KLF12: variants seen among roughly 807,000 people sequenced by gnomAD.
KLF12 encodes the protein KLF transcription factor 12.
In KLF12, 9 loss-of-function variants were observed where a neutral mutation model predicts 37.8. The ratio of observed to expected loss-of-function variants is 0.24; its 90% confidence interval spans 0.14 to 0.42. The LOEUF (loss-of-function observed/expected upper bound fraction) is 0.42, where lower values mean the gene tolerates loss of function less well. KLF12 is among the 10% of genes least tolerant of loss of function. The pLI, the probability that KLF12 is intolerant of heterozygous loss-of-function variation, is 1.00. For missense variants in KLF12, 411 were observed against 516.0 expected (o/e 0.80, Z 1.97); for synonymous variants, 208 against 202.1 (o/e 1.03, Z -0.25).
At chr13:74,023,340 G>A (rs753995767) in intron 1 of KLF12, among the ~76,000 whole-genome samples, 6 of 152,226 alleles carry the variant, frequency 3.9e-5, no homozygotes, top group South Asian at 2.1e-4. Context: ...CTCAGAGACC[G>A]TGTTCTTCTC....
chr13:74,071,163 G>A (rs1031066037), intron 1 of KLF12, among the ~76,000 whole-genome samples: 24 of 152,132 alleles, frequency 1.6e-4, no homozygotes, highest in African/African-American at 5.6e-4. Context: ...ATAATATGGA[G>A]TTTCAGTCTA....
the KLF12 span, among the ~76,000 whole-genome samples, chr13:74,141,111 G>C: frequency 6.6e-6 from 1 of 151,918 alleles, no homozygotes; most frequent in Admixed American, 6.6e-5. Flanking sequence ...ATAGCTCAGG[G>C]GTATAGAATT....
intron 3 of KLF12, among the ~76,000 whole-genome samples, chr13:73,848,939 A>G (rs1239762335): frequency 6.6e-6 from 1 of 152,112 alleles, no homozygotes; most frequent in Non-Finnish European, 1.5e-5. Flanking sequence ...ACAGGACAAA[A>G]TCCTTCTTGT....
chr13:73,738,134 C>CATATATATATATATATAT (rs1449933940), intron 6 of KLF12, among the ~76,000 whole-genome samples: 4 of 94,940 alleles, frequency 4.2e-5, no homozygotes, highest in African/African-American at 6.3e-5. Context: ...TACACACACA[C>CATATATATATATATATAT]ACATATATAT....
intron 4 of KLF12, among the ~76,000 whole-genome samples, chr13:73,815,468 G>A (rs1883165129): frequency 6.6e-6 from 1 of 152,212 alleles, no homozygotes; most frequent in Non-Finnish European, 1.5e-5. Context: ...GAATGACTTT[G>A]TGTAATAATA....
rs183054014 is a variant in KLF12, at chr13:74,106,511, G to A, written c.-32+27228C>T. Among the ~76,000 whole-genome samples the A allele has an allele frequency of 3.1e-3, 476 of 152,108 alleles. 1 individual carries two copies. The highest frequency in any genetic ancestry group is 0.011 in the African/African-American group (458 of 41,510). On this transcript the variant is annotated intron_variant, in intron 1 of 7. Transcript: ENST00000377669. ...ATACTTCAAGGTATAAATTTTCTTGGAATGTTTTCAAAATATTCATCTTAT... is the reference window on the plus strand; with the variant it reads ...ATACTTCAAGGTATAAATTTTCTTGAAATGTTTTCAAAATATTCATCTTAT...
At chr13:74,120,026 T>C (rs528602129) in intron 1 of KLF12, among the ~76,000 whole-genome samples, 1 of 149,844 alleles carries the variant, frequency 6.7e-6, no homozygotes, top group South Asian at 2.1e-4. Flanking sequence ...CAGAAGTATA[T>C]AAATGAGAGG....
chr13:74,099,488 A>G (rs537776174), intron 1 of KLF12, among the ~76,000 whole-genome samples: 15 of 152,368 alleles, frequency 9.8e-5, no homozygotes, highest in African/African-American at 3.6e-4. Flanking sequence ...ACTATGTAAA[A>G]TCATCAAATC....
chr13:74,093,499 T>C (rs893792849), intron 1 of KLF12, among the ~76,000 whole-genome samples: 1 of 151,984 alleles, frequency 6.6e-6, no homozygotes, highest in African/African-American at 2.4e-5. Context: ...GCTCATAGAA[T>C]TGGGCAAAGC....
chr13:73,916,459 G>A (rs1888853533), intron 3 of KLF12, among the ~76,000 whole-genome samples: 2 of 152,038 alleles, frequency 1.3e-5, no homozygotes, highest in African/African-American at 4.8e-5. Context: ...TATTTCTTCT[G>A]CAAGTATCTA....
At chr13:73,766,599 C>T (rs1002847817) in intron 5 of KLF12, among the ~76,000 whole-genome samples, 4 of 152,122 alleles carry the variant, frequency 2.6e-5, no homozygotes, top group Admixed American at 6.6e-5. Flanking sequence ...TCCCTATACC[C>T]TCACTGGGGT....
intron 7 of KLF12, among the ~76,000 whole-genome samples, chr13:73,702,543 T>C (rs7985342): frequency 0.99 from 150,044 of 152,318 alleles, 73,936 homozygotes; most frequent in Middle Eastern, 1. Context: ...AAACAAAACA[T>C]CCATGTTCTC....
chr13:74,216,091 G>A, the KLF12 span, among the ~76,000 whole-genome samples: 3 of 152,268 alleles, frequency 2.0e-5, no homozygotes, highest in African/African-American at 7.2e-5. Context: ...GGGATTGCCA[G>A]GCAGGCTCCC....
the KLF12 span, among the ~76,000 whole-genome samples, chr13:74,199,770 G>A: frequency 2.0e-5 from 3 of 152,200 alleles, no homozygotes; most frequent in Admixed American, 6.5e-5. Context: ...CCTTAGGAGA[G>A]AGGATTTGAA....
chr13:73,868,237 A>T (rs1160537222), intron 3 of KLF12, among the ~76,000 whole-genome samples: 1 of 120,846 alleles, frequency 8.3e-6, no homozygotes, highest in Non-Finnish European at 1.6e-5. Flanking sequence ...ACTTGAACCC[A>T]GGAGGTGCAG....
intron 2 of KLF12, among the ~76,000 whole-genome samples, chr13:73,944,917 T>C (rs1276350637): frequency 6.6e-6 from 1 of 152,200 alleles, no homozygotes; most frequent in African/African-American, 2.4e-5. Flanking sequence ...TTTTTAAACA[T>C]GTTTAGAATG....
chr13:73,751,026 A>C (rs1326151623), intron 6 of KLF12, among the ~76,000 whole-genome samples: 1 of 152,202 alleles, frequency 6.6e-6, no homozygotes, highest in Non-Finnish European at 1.5e-5. Context: ...TCCCATTTGC[A>C]TTTTATAATA....
intron 3 of KLF12, among the ~76,000 whole-genome samples, chr13:73,936,695 CG>C (rs1343652720): frequency 6.6e-6 from 1 of 152,140 alleles, no homozygotes; most frequent in Non-Finnish European, 1.5e-5. Context: ...CTTTGCCGCC[CG>C]GAAGTTACCT....
In KLF12 at chr13:74,009,987, T is replaced by C. The variant is rs557443942; in HGVS notation, c.-31-14934A>G. 6.6e-5 allele frequency among the ~76,000 whole-genome samples: 10 copies of C among 152,294 alleles called. No individual in the cohort carries two copies. In the South Asian group the frequency reaches 2.1e-3, roughly 32 times the overall value. ...TATTTTGAGACAGGGTCTCACTCTA[T>C]CACCCAGGCTGGAGTACACTGGTGA... On this transcript the variant is annotated intron_variant, in intron 1 of 7. Coordinates refer to ENST00000377669, the MANE Select transcript of KLF12 (RefSeq NM_007249.5).
Sources: allele counts gnomAD v4.1 joint callset (sites outside exome capture counted in the v4.1 genomes callset), GRCh38; gene constraint gnomAD v4.1.1; transcripts MANE v1.5; gene names NCBI Gene and HGNC (gene_info 2026-07-23, HGNC 2026-07-21).